The following GSK3B variants were observed in gnomAD, a reference collection of about 807,000 sequenced individuals.
GSK3B encodes the protein glycogen synthase kinase 3 beta, also known as glycogen synthase kinase-3 beta.
GSK3B carries 15 observed loss-of-function variants against 56.4 expected under a neutral mutation model. That is an observed-to-expected ratio of 0.27 (90% CI 0.18 to 0.41). The LOEUF (loss-of-function observed/expected upper bound fraction) is 0.41, where lower values mean the gene tolerates loss of function less well. Among genes scored for constraint, GSK3B ranks in the 10% least tolerant of loss-of-function variants. The pLI, the probability that GSK3B is intolerant of heterozygous loss-of-function variation, is 1.00. For synonymous variants in GSK3B, 181 were observed against 188.9 expected (o/e 0.96, Z 0.34); for missense variants, 300 against 513.4 (o/e 0.58, Z 4.02).
chr3:119,917,574 T>C (rs1039736126), intron 4 of GSK3B, among the ~76,000 whole-genome samples: 19 of 151,702 alleles, frequency 1.3e-4, no homozygotes, highest in African/African-American at 2.4e-4. Flanking sequence ...ACTGAGTTCA[T>C]AGGCATAAAT....
At chr3:119,976,872 G>A (rs2057413935) in intron 2 of GSK3B, among the ~76,000 whole-genome samples, 1 of 150,614 alleles carries the variant, frequency 6.6e-6, no homozygotes, top group African/African-American at 2.4e-5. Context: ...AGATATATAT[G>A]GGAATTTGAA....
In GSK3B at chr3:119,916,008, A is replaced by G. The variant is rs550078288; in HGVS notation, c.608+36T>C. 6.6e-6 allele frequency: 10 copies of G among 1,506,640 alleles called. No individual in the cohort carries two copies. In the East Asian group the frequency reaches 1.4e-4, roughly 21 times the overall value. The allele number at this position is 1,506,640 out of a possible 1,614,324, so 93.3% of individuals were successfully genotyped here. On this transcript the variant is annotated intron_variant, in intron 5 of 10. Transcript: ENST00000264235. ...AAGAAGATAGTAGGGGGAGGAGGGG[A>G]AAAGGGAAGGGGCAGGGAGAGGGAC...
intron 1 of GSK3B, among the ~76,000 whole-genome samples, chr3:120,013,407 T>A (rs1559876310): frequency 1.3e-5 from 2 of 152,204 alleles, no homozygotes; most frequent in African/African-American, 2.4e-5. Flanking sequence ...AGACACTTTG[T>A]AACTGAGGTG....
chr3:120,051,584 T>G (rs1280121529), intron 1 of GSK3B, among the ~76,000 whole-genome samples: 1 of 151,982 alleles, frequency 6.6e-6, no homozygotes, highest in African/African-American at 2.4e-5. Flanking sequence ...CTGGCCAACA[T>G]GGCAAAACCC....
At chr3:120,040,003 A>T (rs1379073772) in intron 1 of GSK3B, among the ~76,000 whole-genome samples, 1 of 152,220 alleles carries the variant, frequency 6.6e-6, no homozygotes, top group Admixed American at 6.5e-5. Flanking sequence ...AGGCCCACCC[A>T]GTGTGACAAA....
chr3:120,024,761 G>A (rs918375298), intron 1 of GSK3B, among the ~76,000 whole-genome samples: 2 of 152,090 alleles, frequency 1.3e-5, no homozygotes, highest in African/African-American at 2.4e-5. Flanking sequence ...AGGTCCCTCC[G>A]AAAAAGTGGT....
At chr3:119,833,687 G>GTTTTTTTTTT (rs1162358136) in intron 10 of GSK3B, among the ~76,000 whole-genome samples, 37 of 133,458 alleles carry the variant, frequency 2.8e-4, no homozygotes, top group African/African-American at 1.1e-3. Flanking sequence ...GAAACATTAG[G>GTTTTTTTTTT]TTGTTTTTTT....
intron 9 of GSK3B, among the ~76,000 whole-genome samples, chr3:119,853,697 T>A (rs1330678172): frequency 1.3e-5 from 2 of 152,128 alleles, no homozygotes; most frequent in Non-Finnish European, 2.9e-5. Context: ...TGAATGGGAG[T>A]TCACTCATCA....
chr3:120,039,579 A>G (rs1031216690), intron 1 of GSK3B, among the ~76,000 whole-genome samples: 1 of 152,194 alleles, frequency 6.6e-6, no homozygotes, highest in African/African-American at 2.4e-5. Flanking sequence ...CATTCCACCC[A>G]TTAGAAACCA....
chr3:120,084,685 A>C (rs558408950), intron 1 of GSK3B: 1 of 152,224 alleles, frequency 6.6e-6, no homozygotes, highest in Non-Finnish European at 1.5e-5. Flanking sequence ...GAAAGTTAAA[A>C]AATTATCCTG....
intron 3 of GSK3B, among the ~76,000 whole-genome samples, chr3:119,930,691 T>C (rs2056937621): frequency 1.3e-5 from 2 of 152,174 alleles, no homozygotes; most frequent in Admixed American, 1.3e-4. Flanking sequence ...CAGTAATACA[T>C]CTGGAAATTA....
intron 2 of GSK3B, among the ~76,000 whole-genome samples, chr3:119,985,364 G>C (rs1301235068): frequency 6.6e-6 from 1 of 152,110 alleles, no homozygotes; most frequent in Non-Finnish European, 1.5e-5. Context: ...AAGAAATAAA[G>C]GGCATTCAAT....
intron 1 of GSK3B, among the ~76,000 whole-genome samples, chr3:120,079,432 T>C (rs1175786579): frequency 6.6e-6 from 1 of 151,942 alleles, no homozygotes. Flanking sequence ...TCTTGCTCTC[T>C]TGCCCAGGCT....
intron 1 of GSK3B, among the ~76,000 whole-genome samples, chr3:120,083,082 C>T (rs528714088): frequency 6.6e-6 from 1 of 151,946 alleles, no homozygotes; most frequent in Non-Finnish European, 1.5e-5. Flanking sequence ...TATCTAGATA[C>T]TGCAAGGGTG....
At chr3:120,045,466 A>C (rs1273457295) in intron 1 of GSK3B, among the ~76,000 whole-genome samples, 1 of 151,696 alleles carries the variant, frequency 6.6e-6, no homozygotes, top group Non-Finnish European at 1.5e-5. Flanking sequence ...CACACATCCC[A>C]CCACTGTAAC....
chr3:119,967,854 C>G (rs1041157248), intron 2 of GSK3B, among the ~76,000 whole-genome samples: 7 of 137,888 alleles, frequency 5.1e-5, no homozygotes, highest in Non-Finnish European at 1.1e-4. Flanking sequence ...CTCTCTCTCT[C>G]TCTCTCTCTC....
At chr3:120,069,000 C>T (rs1431818498) in intron 1 of GSK3B, among the ~76,000 whole-genome samples, 2 of 151,730 alleles carry the variant, frequency 1.3e-5, no homozygotes, top group East Asian at 1.9e-4. Context: ...AACCCACAGA[C>T]ACCTAAGGGT....
At chr3:119,928,612 TAAAAAA>T (rs1160252679) in intron 3 of GSK3B, among the ~76,000 whole-genome samples, 1 of 67,036 alleles carries the variant, frequency 1.5e-5, no homozygotes, top group Non-Finnish European at 3.0e-5. Flanking sequence ...ATCAAAAAAA[TAAAAAA>T]AAAAAAAAAA....
intron 3 of GSK3B, among the ~76,000 whole-genome samples, chr3:119,928,604 CAAAAAAATAAAAAAA>C (rs2056910966): frequency 3.1e-4 from 9 of 28,640 alleles, no homozygotes; most frequent in South Asian, 2.0e-3. Context: ...GACTCCATAT[CAAAAAAATAAAAAAA>C]AAAAAAAAAA....
Sources: gnomAD v4.1 joint callset for allele counts (sites outside exome capture counted in the v4.1 genomes callset) on GRCh38, gnomAD v4.1.1 for gene constraint, MANE v1.5 for transcripts, NCBI Gene and HGNC (gene_info 2026-07-23, HGNC 2026-07-21) for gene names.